Variants in ACADM observed in about 807,000 individuals in gnomAD.
The protein encoded by ACADM is medium-chain specific acyl-CoA dehydrogenase, mitochondrial.
A neutral mutation model predicts 58.9 loss-of-function variants in ACADM; 49 were observed. That is an observed-to-expected ratio of 0.83 (90% CI 0.66 to 1.06). The LOEUF is 1.06. Among genes scored for constraint, ACADM ranks in the 50% least tolerant of loss-of-function variants. The pLI is 0.00. For synonymous variants in ACADM, 160 were observed against 157.7 expected, an observed-to-expected ratio of 1.01 and a Z score of -0.11; for missense variants, 496 against 507.0, an observed-to-expected ratio of 0.98 and a Z score of 0.21.
At chr1:75,740,662 T>C (rs1307590623) in intron 7 of ACADM, among the ~76,000 whole-genome samples, 1 of 152,126 alleles carries the variant, frequency 6.6e-6, no homozygotes, top group Non-Finnish European at 1.5e-5. Flanking sequence ...ACTCGATTAT[T>C]TGTTGATAAA....
chr1:75,758,698 A>G (rs999329741), intron 10 of ACADM, among the ~76,000 whole-genome samples: 1 of 152,212 alleles, frequency 6.6e-6, no homozygotes, highest in African/African-American at 2.4e-5. Context: ...TGCTGTGTCT[A>G]GCTAAAGGAT....
At chr1:75,737,847 G>C (rs1557448931) in intron 6 of ACADM, among the ~76,000 whole-genome samples, 1 of 151,956 alleles carries the variant, frequency 6.6e-6, no homozygotes, top group Non-Finnish European at 1.5e-5. Context: ...TTCAATAAAT[G>C]TTAGAGTGAT....
chr1:75,735,651 G>A (rs1424634879), intron 6 of ACADM, among the ~76,000 whole-genome samples: 6 of 151,998 alleles, frequency 3.9e-5, no homozygotes, highest in East Asian at 1.9e-4. Context: ...TTAGGAGTTC[G>A]AGACCAGCCT....
At chr1:75,742,704 A>G (rs1333567255) in intron 7 of ACADM, among the ~76,000 whole-genome samples, 1 of 152,088 alleles carries the variant, frequency 6.6e-6, no homozygotes, top group Non-Finnish European at 1.5e-5. Flanking sequence ...TGCCAAGATG[A>G]GTCTTCTTGG....
At chr1:75,746,047 A>T in intron 8 of ACADM, 133 bp downstream of exon 8, 1 of 694,420 alleles carries the variant, frequency 1.4e-6, no homozygotes, top group Non-Finnish European at 2.5e-6. Context: ...TTTTGATGAT[A>T]TTAGATCAAA....
In ACADM at chr1:75,760,315, G is replaced by A. The variant is rs371279472; in HGVS notation, c.946-807G>A. ...TGTGGTGGCACACGCCCAGCTACTCGGGAGGCTGAGGCAGGAAAATCGCTT... is the reference window on the plus strand; with the variant it reads ...TGTGGTGGCACACGCCCAGCTACTCAGGAGGCTGAGGCAGGAAAATCGCTT... On this transcript the variant is annotated intron_variant, in intron 10 of 11. Coordinates refer to ENST00000370841, the MANE Select transcript of ACADM (RefSeq NM_000016.6). Among the ~76,000 whole-genome samples the A allele has an allele frequency of 5.5e-4, 81 of 146,758 alleles. No homozygotes were observed. In the East Asian group the frequency reaches 0.012, roughly 22 times the overall value.
chr1:75,738,636 G>C (rs1454369133), intron 6 of ACADM, among the ~76,000 whole-genome samples: 1 of 151,978 alleles, frequency 6.6e-6, no homozygotes, highest in Non-Finnish European at 1.5e-5. Context: ...ATTGACATGG[G>C]TTCTCGGCAT....
At chr1:75,751,432 G>C (rs920673388) in intron 10 of ACADM, among the ~76,000 whole-genome samples, 8 of 151,740 alleles carry the variant, frequency 5.3e-5, no homozygotes, top group Non-Finnish European at 1.2e-4. Flanking sequence ...CTGAAGCTCA[G>C]AGGTATTAAA....
intron 7 of ACADM, chr1:75,744,059 T>C: frequency 8.2e-6 from 13 of 1,586,734 alleles, no homozygotes; most frequent in Non-Finnish European, 1.1e-5. Flanking sequence ...ATTCTGGGCC[T>C]CCTTCAGACG....
Position 75,724,799 on chromosome 1 carries a change from G to A in ACADM, c.12G>A (p.Gly4=). The A allele has an allele frequency of 6.6e-7, 1 of 1,522,020 alleles. No homozygotes were observed. Among genetic ancestry groups the A allele is most frequent in the Non-Finnish European group, 8.8e-7 (1 of 1,132,608 alleles). 94.3% of individuals were successfully genotyped at this position (1,522,020 alleles called of 1,614,324 possible). A position where few individuals can be genotyped will look rare whatever the true frequency, so the allele number is the denominator to read the frequency against. Residue 4 remains glycine (G), a synonymous_variant, in exon 1 of 12, where the codon GGG becomes GGA. Transcript: ENST00000370841. ...GAACGGGAGCCAACATGGCAGCGGG[G>A]TTCGGGCGATGCTGCAGGGTGAGAG... MAA[G]FGRCCRVLRS... is the part of the protein sequence containing the mutation.
At chr1:75,754,182 G>A (rs546530970) in intron 10 of ACADM, among the ~76,000 whole-genome samples, 1 of 148,794 alleles carries the variant, frequency 6.7e-6, no homozygotes, top group South Asian at 2.2e-4. Context: ...CAACCCATTT[G>A]TGTGCCCTTT....
intron 10 of ACADM, among the ~76,000 whole-genome samples, chr1:75,753,936 T>C (rs1648350398): frequency 6.7e-6 from 1 of 148,920 alleles, no homozygotes; most frequent in Non-Finnish European, 1.5e-5. Flanking sequence ...GCTGGAACTA[T>C]AGGTGTGAGC....
At chr1:75,742,475 G>A (rs1647632652) in intron 7 of ACADM, among the ~76,000 whole-genome samples, 1 of 152,174 alleles carries the variant, frequency 6.6e-6, no homozygotes, top group African/African-American at 2.4e-5. Context: ...TGCCTCCTCA[G>A]CCCACGGGCT....
At chr1:75,725,814 A>T (rs539293966) in intron 1 of ACADM, among the ~76,000 whole-genome samples, 1 of 152,356 alleles carries the variant, frequency 6.6e-6, no homozygotes, top group Non-Finnish European at 1.5e-5. Context: ...GTCCGAAAAT[A>T]CGCAGTGAGA....
In ACADM at chr1:75,763,565, T is replaced by C. The variant is rs1343782113; in HGVS notation, c.*802T>C. The C allele has an allele frequency of 6.6e-6, 1 of 152,192 alleles. No individual in the cohort carries two copies. Among genetic ancestry groups the C allele is most frequent in the South Asian group, 2.1e-4 (1 of 4,836 alleles). The allele number at this position is 152,192 out of a possible 1,614,324, so 9.4% of individuals were successfully genotyped here. On this transcript the variant is annotated 3_prime_UTR_variant, in exon 12 of 12. Coordinates refer to ENST00000370841, the MANE Select transcript of ACADM (RefSeq NM_000016.6). ...AATAGTGTATATTTCTTGTATTTACTATGATGAAAAAAGGTCGTTTTAATT... is the reference window on the plus strand; with the variant it reads ...AATAGTGTATATTTCTTGTATTTACCATGATGAAAAAAGGTCGTTTTAATT...
At chr1:75,757,003 C>T (rs1017195230) in intron 10 of ACADM, among the ~76,000 whole-genome samples, 1 of 152,046 alleles carries the variant, frequency 6.6e-6, no homozygotes, top group African/African-American at 2.4e-5. Context: ...AACTGGCTAG[C>T]CATATGTAGA....
Position 75,740,010 on chromosome 1 carries a change from T to C in ACADM, c.499T>C (p.Ser167Pro). The change falls in exon 7 of 12, where the codon TCT (serine) becomes CCT (proline). Residue 167 changes from serine (S) to proline (P), a missense_variant. Coordinates refer to ENST00000370841, the MANE Select transcript of ACADM (RefSeq NM_000016.6). ...TTGTGTAACAGAACCTGGAGCAGGCTCTGATGTAGCTGGTATAAAGACCAA... is the reference window on the plus strand; with the variant it reads ...TTGTGTAACAGAACCTGGAGCAGGCCCTGATGTAGCTGGTATAAAGACCAA... ...AYCVTEPGAG[S>P]DVAGIKTKAE... 1.2e-6 allele frequency: 2 copies of C among 1,612,798 alleles called. No individual in the cohort carries two copies. Among genetic ancestry groups the C allele is most frequent in the Non-Finnish European group, 1.7e-6 (2 of 1,179,032 alleles).
intron 10 of ACADM, among the ~76,000 whole-genome samples, chr1:75,760,280 A>AAAT (rs1389120159): frequency 6.7e-6 from 1 of 148,836 alleles, no homozygotes; most frequent in East Asian, 2.0e-4. Flanking sequence ...AAAAAAAAAA[A>AAAT]AAAGCCTGGT....
chr1:75,759,544 T>C (rs986268562), intron 10 of ACADM, among the ~76,000 whole-genome samples: 4 of 152,180 alleles, frequency 2.6e-5, no homozygotes, highest in Non-Finnish European at 5.9e-5. Context: ...GTTTTATGTC[T>C]TCTATTTAAT....
Sources: gnomAD v4.1 joint callset for allele counts (sites outside exome capture counted in the v4.1 genomes callset) on GRCh38, gnomAD v4.1.1 for gene constraint, MANE v1.5 for transcripts, NCBI Gene and HGNC (gene_info 2026-07-23, HGNC 2026-07-21) for gene names.